NCOA3: variants seen among roughly 807,000 people sequenced by gnomAD.
NCOA3 encodes the protein nuclear receptor coactivator 3, also known as CBP-interacting protein.
In NCOA3, 51 loss-of-function variants were observed where a neutral mutation model predicts 158.8. That is an observed-to-expected ratio of 0.32 (90% confidence interval 0.26 to 0.41). The LOEUF (loss-of-function observed/expected upper bound fraction) is 0.41, where lower values mean the gene tolerates loss of function less well. Among genes scored for constraint, NCOA3 ranks in the 10% least tolerant of loss-of-function variants. The pLI is 1.00. For missense variants in NCOA3, 1,510 were observed against 1,746.6 expected (o/e 0.86, Z 2.41); for synonymous variants, 537 against 592.4 (o/e 0.91, Z 1.36).
chr20:47,532,036 A>C (rs928725871), intron 1 of NCOA3, among the ~76,000 whole-genome samples: 3 of 152,012 alleles, frequency 2.0e-5, no homozygotes, highest in African/African-American at 7.2e-5. Flanking sequence ...TGTGTTGCCT[A>C]TTCCTTAGAT....
rs149561356 is a variant in NCOA3 at position 47,647,173 on chromosome 20, A to G, written c.3353A>G (p.Gln1118Arg). ...TTATATGGACAGACATACCCAGCAC[A>G]GGGGCCTCCAATGCAAGGAGGCTTT... Reference protein sequence around the residue: ...AGLYGQTYPAQGPPMQGGFHL... With the variant: ...AGLYGQTYPARGPPMQGGFHL... Residue 1118 changes from glutamine (Q) to arginine (R), a missense_variant, in exon 18 of 23, where the codon CAG (glutamine) becomes CGG (arginine). Transcript: ENST00000371998. 3.7e-6 allele frequency: 6 copies of G among 1,614,186 alleles called. No individual in the cohort carries two copies. The highest frequency in any genetic ancestry group is 5.1e-6 in the Non-Finnish European group (6 of 1,180,000).
At chr20:47,642,468 G>T in intron 17 of NCOA3, 84 bp downstream of exon 17, 2 of 904,628 alleles carry the variant, frequency 2.2e-6, no homozygotes, top group Non-Finnish European at 3.1e-6. Flanking sequence ...ATACAAGAAT[G>T]CCTGTGTGTG....
rs919653353 is a variant in NCOA3, at chr20:47,635,766, T to C, written c.1504+53T>C. 28 of 1,523,890 alleles carry C rather than the reference T, an allele frequency of 1.8e-5. No individual in the cohort carries two copies. In the African/African-American group the frequency reaches 3.8e-4, roughly 21 times the overall value. 94.4% of individuals were successfully genotyped at this position (1,523,890 alleles called of 1,614,324 possible). A position where few individuals can be genotyped will look rare whatever the true frequency, so the allele number is the denominator to read the frequency against. ...TTTTTTCTTTTTAAGTAATTATTCT[T>C]TCCATACTACTATAATTCTTGTAAA... On this transcript the variant is annotated intron_variant, in intron 11 of 22. Coordinates refer to ENST00000371998, the MANE Select transcript of NCOA3 (RefSeq NM_181659.3).
chr20:47,502,307 G>C (rs2083946174), intron 1 of NCOA3, among the ~76,000 whole-genome samples: 1 of 152,286 alleles, frequency 6.6e-6, no homozygotes, highest in South Asian at 2.1e-4. Context: ...CACCCGAGGA[G>C]TTTGCGGGGG....
At chr20:47,627,247 G>GT in intron 6 of NCOA3, 71 bp downstream of exon 6, 1 of 1,266,792 alleles carries the variant, frequency 7.9e-7, no homozygotes, top group Non-Finnish European at 1.1e-6. Flanking sequence ...AAAATTGAAT[G>GT]TATCTTTTAG....
At chr20:47,558,195 A>G (rs1175317614) in intron 1 of NCOA3, among the ~76,000 whole-genome samples, 2 of 135,878 alleles carry the variant, frequency 1.5e-5, no homozygotes, top group East Asian at 4.6e-4. Flanking sequence ...AGTAGCTAGG[A>G]TTATAGGCAT....
At chr20:47,558,308 T>G (rs1850528137) in intron 1 of NCOA3, among the ~76,000 whole-genome samples, 2 of 147,432 alleles carry the variant, frequency 1.4e-5, no homozygotes, top group South Asian at 4.4e-4. Context: ...TCTCAAACTC[T>G]TGACCTCAGG....
intron 1 of NCOA3, among the ~76,000 whole-genome samples, chr20:47,504,903 T>TA (rs769281841): frequency 2.0e-5 from 3 of 149,906 alleles, no homozygotes; most frequent in Non-Finnish European, 4.4e-5. Context: ...AAAAGAAAAT[T>TA]AAAAAATAAA....
At position 47,636,475 on chromosome 20, in the gene NCOA3, G is replaced by A; in HGVS notation, c.2089G>A (p.Glu697Lys). The A allele has an allele frequency of 6.2e-7, 1 of 1,614,154 alleles. No homozygotes were observed. The highest frequency in any genetic ancestry group is 8.5e-7 in the Non-Finnish European group (1 of 1,180,040). Residue 697 changes from glutamate to lysine, a missense_variant, in exon 12 of 23, where the codon GAG (glutamate) becomes AAG (lysine). Glu to Lys is a moderately conservative substitution (Grantham distance 56, BLOSUM62 1). Transcript: ENST00000371998. Reference sequence around the variant, plus strand: ...GCTGCAGAATGGGAATTCACCAGCTGAGGTAGCCAAGATTACTGCAGAAGC... The same window carrying A: ...GCTGCAGAATGGGAATTCACCAGCTAAGGTAGCCAAGATTACTGCAGAAGC... ...KLLQNGNSPA[E>K]VAKITAEATG...
intron 2 of NCOA3, among the ~76,000 whole-genome samples, chr20:47,589,406 C>T (rs1277016055): frequency 1.3e-5 from 2 of 151,744 alleles, no homozygotes; most frequent in Admixed American, 6.6e-5. Context: ...GATAGAGTCT[C>T]GCTCTGTCAC....
intron 2 of NCOA3, among the ~76,000 whole-genome samples, chr20:47,596,688 C>T (rs935756622): frequency 2.6e-5 from 4 of 152,230 alleles, no homozygotes; most frequent in Non-Finnish European, 5.9e-5. Flanking sequence ...CAGTCTCAAG[C>T]GATACTCCCA....
chr20:47,646,552 G>T (rs1437877603), intron 17 of NCOA3, among the ~76,000 whole-genome samples: 1 of 152,188 alleles, frequency 6.6e-6, no homozygotes, highest in East Asian at 1.9e-4. Flanking sequence ...AGATGTTTTG[G>T]CTGGAGACAA....
intron 1 of NCOA3, among the ~76,000 whole-genome samples, chr20:47,510,165 G>A (rs1037477856): frequency 2.0e-5 from 3 of 152,056 alleles, no homozygotes; most frequent in Non-Finnish European, 4.4e-5. Context: ...AGGAGTGGTG[G>A]TTCACGCCTG....
At chr20:47,566,354 C>G (rs1160896346) in intron 1 of NCOA3, among the ~76,000 whole-genome samples, 2 of 152,106 alleles carry the variant, frequency 1.3e-5, no homozygotes, top group East Asian at 3.8e-4. Context: ...CTATAATTAA[C>G]ATGAATAATG....
rs138733364 is a variant in NCOA3, at chr20:47,651,174, C to T, written c.3844C>T (p.Pro1282Ser). 1.3e-3 allele frequency: 2,129 copies of T among 1,614,074 alleles called. 4 individuals are homozygous for T. Among genetic ancestry groups the T allele is most frequent in the Middle Eastern group, 2.3e-3 (14 of 6,062 alleles). ...QQQQQTQAFS[P>S]PPNVTASPSM... ...ACAGCAGCAAACCCAGGCCTTCAGC[C>T]CACCTCCTAATGTGACTGCTTCCCC... The change falls in exon 20 of 23, where the codon CCA becomes TCA. Residue 1282 changes from proline (P) to serine (S), a missense_variant. Around this residue, in one of 4 missense-constraint regions of NCOA3, gnomAD observed 180 missense variants for 199.3 expected, o/e 0.90. Transcript: ENST00000371998.
chr20:47,636,360 A>G lies in NCOA3; in HGVS notation c.1974A>G (p.Gly658=). The change falls in exon 12 of 23, where the codon GGA becomes GGG. Residue 658 remains glycine (G), a synonymous_variant. Coordinates refer to ENST00000371998, the MANE Select transcript of NCOA3 (RefSeq NM_181659.3). The part of the protein sequence containing the change: ...ESSVSVTSPS[G]VSSSTSGGVS... ...CTGTTAGTGTCACCAGCCCCTCTGG[A>G]GTCTCCTCCTCTACATCTGGAGGAG... The G allele has an allele frequency of 6.2e-7, 1 of 1,614,176 alleles. No homozygotes were observed. Among genetic ancestry groups the G allele is most frequent in the Non-Finnish European group, 8.5e-7 (1 of 1,180,042 alleles).
At chr20:47,647,919 G>GTTT (rs34097290) in intron 18 of NCOA3, among the ~76,000 whole-genome samples, 2 of 103,350 alleles carry the variant, frequency 1.9e-5, no homozygotes, top group Admixed American at 9.1e-5. Context: ...GTTTTGTTTT[G>GTTT]TTTTTTTTTT....
chr20:47,606,742 T>C lies in NCOA3; in HGVS notation c.-19-15487T>C, dbSNP rs956181113. On this transcript the variant is annotated intron_variant, in intron 2 of 22. Transcript: ENST00000371998. Reference sequence around the variant, plus strand: ...TTTTTTCATGGAACACCATTTTTACTTGGATGAGTGACAAACCATGGCTAT... The same window carrying C: ...TTTTTTCATGGAACACCATTTTTACCTGGATGAGTGACAAACCATGGCTAT... Among the ~76,000 whole-genome samples, 8 of 152,356 alleles carry C rather than the reference T, an allele frequency of 5.3e-5. No individual in the cohort carries two copies. The South Asian group carries it at 1.0e-3, about 20-fold the overall frequency.
At position 47,651,234 on chromosome 20, in the gene NCOA3, C is replaced by T. The variant is rs1273517143; in HGVS notation, c.3904C>T (p.Pro1302Ser). ...TGGGCTTTTGGCAGGACCCACAATG[C>T]CACAAGCTCCTCCGCAACAGTTTCC... ...MDGLLAGPTM[P>S]QAPPQQFPYQ... Residue 1302 changes from proline (P) to serine (S), a missense_variant, in exon 20 of 23, where the codon CCA becomes TCA. Physicochemically the swap from Pro to Ser is moderately conservative, Grantham distance 74 (BLOSUM62 -1). Around this residue, in one of 4 missense-constraint regions of NCOA3, gnomAD observed 180 missense variants for 199.3 expected, o/e 0.90. Transcript: ENST00000371998. 6.2e-7 allele frequency: 1 copy of T among 1,612,998 alleles called. No homozygotes were observed. The highest frequency in any genetic ancestry group is 8.5e-7 in the Non-Finnish European group (1 of 1,179,046).
Sources: allele counts gnomAD v4.1 joint callset (sites outside exome capture counted in the v4.1 genomes callset), GRCh38; gene constraint gnomAD v4.1.1; regional missense constraint gnomAD v4.1.1; transcripts MANE v1.5; gene names NCBI Gene and HGNC (gene_info 2026-07-23, HGNC 2026-07-21).